Variants in MCC observed in about 807,000 individuals in gnomAD.
MCC encodes the protein colorectal mutant cancer protein.
MCC carries 90 observed loss-of-function variants against 116.2 expected under a neutral mutation model. The observed-to-expected ratio is 0.77, with a 90% CI of 0.65 to 0.92. MCC has a LOEUF of 0.92. MCC is among the 40% of genes least tolerant of loss of function. The probability of loss-of-function intolerance (pLI) is 0.00; values close to 1 mark genes in which losing one functional copy is unlikely to be tolerated. For synonymous variants in MCC, 578 were observed against 510.5 expected, an observed-to-expected ratio of 1.13 and a Z score of -1.78; for missense variants, 1,516 against 1,312.2, an observed-to-expected ratio of 1.16 and a Z score of -2.40.
intron 2 of MCC, among the ~76,000 whole-genome samples, chr5:113,351,153 A>G (rs1004457890): frequency 6.6e-6 from 1 of 152,138 alleles, no homozygotes; most frequent in Non-Finnish European, 1.5e-5. Flanking sequence ...TAAAAATAGA[A>G]CAATCATAGG....
rs747639144 is a variant in MCC at position 113,433,965 on chromosome 5, C to T, written c.171-48753G>A. 1.1e-5 allele frequency: 18 copies of T among 1,613,844 alleles called. No homozygotes were observed. Among genetic ancestry groups the T allele is most frequent in the South Asian group, 6.6e-5 (6 of 91,068 alleles). On this transcript the variant is annotated intron_variant, in intron 1 of 18. Transcript: ENST00000408903. ...GGGGGTCCACAAGGGTTCAGTTCCC[C>T]GGGAACTCTCCCCCTCCTTGTTGAT...
chr5:113,238,363 G>A (rs1038535740), intron 3 of MCC, among the ~76,000 whole-genome samples: 2 of 151,984 alleles, frequency 1.3e-5, no homozygotes, highest in African/African-American at 4.8e-5. Context: ...ACAACTAATG[G>A]TAGAATTTTG....
intron 3 of MCC, among the ~76,000 whole-genome samples, chr5:113,188,551 A>G (rs956220460): frequency 1.3e-5 from 2 of 152,246 alleles, no homozygotes. Flanking sequence ...GATGTATTCA[A>G]AACACAAAAG....
chr5:113,431,511 T>C (rs1333585834), intron 1 of MCC, among the ~76,000 whole-genome samples: 1 of 152,114 alleles, frequency 6.6e-6, no homozygotes, highest in Non-Finnish European at 1.5e-5. Flanking sequence ...CAAGGTCACA[T>C]CTTGAGGTAC....
intron 1 of MCC, among the ~76,000 whole-genome samples, chr5:113,445,216 A>G (rs959217702): frequency 4.6e-5 from 7 of 152,114 alleles, no homozygotes; most frequent in Non-Finnish European, 7.4e-5. Flanking sequence ...AACATCATAT[A>G]CTTAAAATTT....
intron 3 of MCC, among the ~76,000 whole-genome samples, chr5:113,321,554 T>TA (rs1199579669): frequency 3.3e-5 from 5 of 152,230 alleles, no homozygotes; most frequent in Non-Finnish European, 7.3e-5. Flanking sequence ...AGTTAAAACT[T>TA]AAAGTCTTCT....
intron 2 of MCC, among the ~76,000 whole-genome samples, chr5:113,358,373 G>A (rs147074621): frequency 1.7e-4 from 26 of 152,260 alleles, no homozygotes; most frequent in African/African-American, 6.0e-4. Flanking sequence ...AAGCAGAGTA[G>A]GCATGATTTA....
intron 14 of MCC, among the ~76,000 whole-genome samples, chr5:113,057,515 G>A (rs1047644155): frequency 5.3e-5 from 8 of 152,274 alleles, no homozygotes; most frequent in African/African-American, 1.9e-4. Context: ...AATGAGAGGG[G>A]AGAAGCAGCA....
chr5:113,466,861 T>C (rs888748332), intron 1 of MCC, among the ~76,000 whole-genome samples: 1 of 152,202 alleles, frequency 6.6e-6, no homozygotes, highest in Non-Finnish European at 1.5e-5. Flanking sequence ...TCCTGACTTT[T>C]TAATGATCGC....
At chr5:113,036,859 C>G (rs1426908547) in intron 17 of MCC, among the ~76,000 whole-genome samples, 1 of 152,248 alleles carries the variant, frequency 6.6e-6, no homozygotes, top group African/African-American at 2.4e-5. Flanking sequence ...TCTTCACCCT[C>G]TGTGCTTCTA....
intron 3 of MCC, among the ~76,000 whole-genome samples, chr5:113,249,939 GCA>G (rs146496232): frequency 0.017 from 2,656 of 152,274 alleles, 38 homozygotes; most frequent in Non-Finnish European, 0.027. Flanking sequence ...AGACTCCAAT[GCA>G]CAGTTTCCAA....
chr5:113,484,724 A>G (rs1482959304), intron 1 of MCC, among the ~76,000 whole-genome samples: 1 of 152,250 alleles, frequency 6.6e-6, no homozygotes, highest in Non-Finnish European at 1.5e-5. Context: ...CTGGCTTTCA[A>G]TATTTGTCAA....
At chr5:113,028,340 T>C (rs1750717433) in intron 18 of MCC, among the ~76,000 whole-genome samples, 1 of 152,154 alleles carries the variant, frequency 6.6e-6, no homozygotes, top group Non-Finnish European at 1.5e-5. Flanking sequence ...GTGCCACTTT[T>C]CTAATTATTT....
Position 113,488,416 on chromosome 5 carries a change from C to T in MCC, c.-2G>A, listed in dbSNP as rs1293319572. 42 of 1,399,398 alleles carry T rather than the reference C, an allele frequency of 3.0e-5. No homozygotes were observed. The highest frequency in any genetic ancestry group is 3.8e-5 in the Non-Finnish European group (41 of 1,089,610). The allele number at this position is 1,399,398 out of a possible 1,614,324, so 86.7% of individuals were successfully genotyped here. ...CGCTGCCGCCGCGGCCGCCATCATG[C>T]GCCCGCTCCCTACTTGGGAGGAGGA... On this transcript the variant is annotated 5_prime_UTR_variant, in exon 1 of 19. Transcript: ENST00000408903.
At chr5:113,113,041 G>A (rs748380933) in intron 6 of MCC, among the ~76,000 whole-genome samples, 9 of 152,218 alleles carry the variant, frequency 5.9e-5, no homozygotes, top group Non-Finnish European at 1.3e-4. Context: ...GGCCTGCTAC[G>A]ATGTGGGCTA....
At chr5:113,433,822 C>A in intron 1 of MCC, 1 of 1,613,984 alleles carries the variant, frequency 6.2e-7, no homozygotes, top group East Asian at 2.2e-5. Flanking sequence ...CCCAGGATCT[C>A]CGACTGCCTG....
chr5:113,456,623 A>ATTTTTTTTTTTT lies in MCC; in HGVS notation c.170+31610_170+31621dup, dbSNP rs34111159. Reference sequence around the variant, plus strand: ...AGTCACCCGCCACCATGCCCAGCTAATTTTTTTTTTTTTTTTTTTTTTTTT... The same window carrying ATTTTTTTTTTTT: ...AGTCACCCGCCACCATGCCCAGCTAATTTTTTTTTTTTTTTTTTTTTTTTTTTTTTTTTTTTT... On this transcript the variant is annotated intron_variant, in intron 1 of 18. Transcript: ENST00000408903. Among the ~76,000 whole-genome samples the ATTTTTTTTTTTT allele has an allele frequency of 4.7e-4, 24 of 51,072 alleles. 3 individuals carry two copies. Among genetic ancestry groups the ATTTTTTTTTTTT allele is most frequent in the African/African-American group, 9.8e-4 (13 of 13,236 alleles). 33.5% of individuals were successfully genotyped at this position (51,072 alleles called of 152,430 possible). A position where few individuals can be genotyped will look rare whatever the true frequency, so the allele number is the denominator to read the frequency against.
At chr5:113,320,462 A>G (rs1767395649) in intron 3 of MCC, among the ~76,000 whole-genome samples, 1 of 151,948 alleles carries the variant, frequency 6.6e-6, no homozygotes, top group Admixed American at 6.6e-5. Context: ...CAAAAAAAAA[A>G]AAAAGGCTGT....
At chr5:113,134,804 G>C in intron 5 of MCC, among the ~76,000 whole-genome samples, 1 of 151,704 alleles carries the variant, frequency 6.6e-6, no homozygotes, top group East Asian at 1.9e-4. Context: ...TAGCGTTCCA[G>C]TAATGGAACA....
Sources: allele counts gnomAD v4.1 joint callset (sites outside exome capture counted in the v4.1 genomes callset), GRCh38; gene constraint gnomAD v4.1.1; transcripts MANE v1.5; gene names NCBI Gene and HGNC (gene_info 2026-07-23, HGNC 2026-07-21).